The following DTHD1 variants were observed in gnomAD, a reference collection of about 807,000 sequenced individuals.
DTHD1 encodes the protein death domain-containing protein 1.
DTHD1 carries 59 observed loss-of-function variants against 74.8 expected under a neutral mutation model. The ratio of observed to expected loss-of-function variants is 0.79; its 90% CI spans 0.64 to 0.98. The LOEUF is 0.98. Among genes scored for constraint, DTHD1 ranks in the 50% least tolerant of loss-of-function variants. The pLI, the probability that DTHD1 is intolerant of heterozygous loss-of-function variation, is 0.00. For missense variants in DTHD1, 1,051 were observed against 1,065.4 expected (o/e 0.99, Z 0.19); for synonymous variants, 365 against 371.1 (o/e 0.98, Z 0.19).
rs778563489 is a variant in DTHD1 at position 36,284,289 on chromosome 4, A to G, written c.585A>G (p.Thr195=). The stretch of plus-strand genomic sequence containing the variant: ...CATTAGTGGAAAAAGAAAACAATAC[A>G]TCACTGAATGGACGTGTACTGGGGC... ...SSALVEKENN[T]SLNGRVLGQE... Residue 195 remains threonine (T), a synonymous_variant, in exon 2 of 10, where the codon ACA becomes ACG. Coordinates refer to ENST00000639862, the MANE Select transcript of DTHD1 (RefSeq NM_001170700.3). 1 of 1,537,214 alleles carries G rather than the reference A, an allele frequency of 6.5e-7. No individual in the cohort carries two copies. Among genetic ancestry groups the G allele is most frequent in the South Asian group, 1.2e-5 (1 of 84,058 alleles).
At chr4:36,289,793 T>C (rs1406272807) in intron 2 of DTHD1, among the ~76,000 whole-genome samples, 1 of 152,094 alleles carries the variant, frequency 6.6e-6, no homozygotes, top group Admixed American at 6.6e-5. Flanking sequence ...TGGATTGATT[T>C]TTTTGGGGAT....
intron 3 of DTHD1, among the ~76,000 whole-genome samples, chr4:36,291,971 G>A (rs958146771): frequency 6.6e-6 from 1 of 152,068 alleles, no homozygotes; most frequent in Non-Finnish European, 1.5e-5. Flanking sequence ...GATGAGACAG[G>A]CAGGGAATAA....
chr4:36,337,743 A>G (rs963525990), intron 8 of DTHD1, among the ~76,000 whole-genome samples: 2 of 152,230 alleles, frequency 1.3e-5, no homozygotes, highest in African/African-American at 2.4e-5. Context: ...ATGCCTATAA[A>G]ATATGATATT....
chr4:36,322,071 T>C (rs1406421487), intron 8 of DTHD1, among the ~76,000 whole-genome samples: 1 of 152,224 alleles, frequency 6.6e-6, no homozygotes, highest in Non-Finnish European at 1.5e-5. Flanking sequence ...CATTGCAATC[T>C]ACTCTTACCC....
chr4:36,343,561 G>A lies in DTHD1; in HGVS notation c.2458G>A (p.Glu820Lys), dbSNP rs1401533745. 2 of 1,551,570 alleles carry A rather than the reference G, an allele frequency of 1.3e-6. No homozygotes were observed. Among genetic ancestry groups the A allele is most frequent in the Admixed American group, 3.9e-5 (2 of 50,994 alleles). ...LAEELSEENA[E>K]SLSSTLPLRR... ...TGAGGAGCTCTCAGAAGAAAATGCT[G>A]AGTCTCTTTCCTCAACTCTCCCTCT... Residue 820 changes from glutamate (E) to lysine (K), a missense_variant, in exon 10 of 10, where the codon GAG (glutamate) becomes AAG (lysine). By Grantham distance (56) the Glu-to-Lys change is moderately conservative (BLOSUM62 1). Coordinates refer to ENST00000639862, the MANE Select transcript of DTHD1 (RefSeq NM_001170700.3).
At chr4:36,333,081 A>C (rs1422808930) in intron 8 of DTHD1, among the ~76,000 whole-genome samples, 1 of 152,178 alleles carries the variant, frequency 6.6e-6, no homozygotes, top group Admixed American at 6.5e-5. Context: ...GTTTTACCTA[A>C]AAATGCATGC....
chr4:36,343,770 G>A lies in DTHD1; in HGVS notation c.2667G>A (p.Trp889Ter). The A allele has an allele frequency of 6.4e-7, 1 of 1,551,344 alleles. No homozygotes were observed. Among genetic ancestry groups the A allele is most frequent in the Admixed American group, 2.0e-5 (1 of 50,992 alleles). Residue 889 changes from tryptophan (W) to a stop codon, truncating the protein, a stop_gained, in exon 10 of 10, where the codon TGG (tryptophan) becomes TGA (stop). Coordinates refer to ENST00000639862, the MANE Select transcript of DTHD1 (RefSeq NM_001170700.3). LOFTEE classifies it low-confidence loss of function (END_TRUNC). ...TTGCAGAAGAGCTCAAATTCAAGTG[G>A]GAAAATAAAGTGTTCACTGAACCAC... Reference protein sequence around the residue: ...SDLAEELKFKWENKVFTEPQQ... With the variant: ...SDLAEELKFK
At chr4:36,304,619 G>C (rs1368879843) in intron 5 of DTHD1, among the ~76,000 whole-genome samples, 1 of 152,154 alleles carries the variant, frequency 6.6e-6, no homozygotes, top group Non-Finnish European at 1.5e-5. Context: ...CCATGGCTTT[G>C]TCTCTTTGTG....
At position 36,344,073 on chromosome 4, in the gene DTHD1, T is replaced by G; in HGVS notation, c.*249T>G. 1 of 437,494 alleles carries G rather than the reference T, an allele frequency of 2.3e-6. No homozygotes were observed. Among genetic ancestry groups the G allele is most frequent in the East Asian group, 3.8e-5 (1 of 26,332 alleles). The allele number at this position is 437,494 out of a possible 1,614,324, so 27.1% of individuals were successfully genotyped here. A position where few individuals can be genotyped will look rare whatever the true frequency, so the allele number is the denominator to read the frequency against. On this transcript the variant is annotated 3_prime_UTR_variant, in exon 10 of 10. Transcript: ENST00000639862. ...ATGACTGTCTTGAGTTTGGCCTCACTTAATAGCATTTGCAATTGAGTTTGA... is the reference window on the plus strand; with the variant it reads ...ATGACTGTCTTGAGTTTGGCCTCACGTAATAGCATTTGCAATTGAGTTTGA...
chr4:36,329,801 T>G (rs1349756706), intron 8 of DTHD1, among the ~76,000 whole-genome samples: 4 of 152,234 alleles, frequency 2.6e-5, no homozygotes, highest in African/African-American at 7.2e-5. Context: ...TCACATCTCC[T>G]TAACAATTGC....
At chr4:36,311,065 G>C (rs984724693) in intron 7 of DTHD1, 3 of 152,214 alleles carry the variant, frequency 2.0e-5, no homozygotes, top group Non-Finnish European at 1.5e-5. Flanking sequence ...ACCCTAAATA[G>C]GAGTGCATTA....
intron 9 of DTHD1, among the ~76,000 whole-genome samples, chr4:36,341,387 A>G (rs1028163305): frequency 2.6e-5 from 4 of 152,178 alleles, no homozygotes; most frequent in African/African-American, 7.2e-5. Context: ...ATTTTGTAAG[A>G]AAGTAATTTT....
chr4:36,316,582 A>G (rs1757752802), intron 8 of DTHD1, 96 bp downstream of exon 8: 3 of 1,257,594 alleles, frequency 2.4e-6, no homozygotes, highest in Admixed American at 2.7e-5. Flanking sequence ...CATACAGTTA[A>G]AAGAAAAGGT....
At chr4:36,332,723 A>G (rs901953389) in intron 8 of DTHD1, 3 of 152,200 alleles carry the variant, frequency 2.0e-5, no homozygotes, top group East Asian at 1.9e-4. Context: ...TTAGCTCTCA[A>G]TCAGGAGACC....
intron 2 of DTHD1, among the ~76,000 whole-genome samples, chr4:36,285,058 A>G (rs1025967336): frequency 1.3e-5 from 2 of 152,198 alleles, no homozygotes; most frequent in African/African-American, 2.4e-5. Context: ...CCTCCCAAAG[A>G]TATTGTAATC....
intron 3 of DTHD1, among the ~76,000 whole-genome samples, chr4:36,292,691 A>G (rs983222090): frequency 6.6e-6 from 1 of 152,158 alleles, no homozygotes; most frequent in Non-Finnish European, 1.5e-5. Flanking sequence ...ATGGTAGACT[A>G]TTTTCCATTG....
rs73806806 is a variant in DTHD1 at position 36,330,967 on chromosome 4, C to T, written c.2341-8145C>T. Among the ~76,000 whole-genome samples the T allele has an allele frequency of 8.0e-3, 1,218 of 151,980 alleles. 11 individuals are homozygous for T. The highest frequency in any genetic ancestry group is 0.026 in the African/African-American group (1,087 of 41,494). On this transcript the variant is annotated intron_variant, in intron 8 of 9. Coordinates refer to ENST00000639862, the MANE Select transcript of DTHD1 (RefSeq NM_001170700.3). ...ATTCAGCATACCCTTTACTGTTATG[C>T]AATAAATGAGCTCACATTAAGCAAA... is the stretch of plus-strand genomic sequence containing the variant.
chr4:36,290,470 A>C lies in DTHD1; in HGVS notation c.985A>C (p.Asn329His). 1 of 1,551,878 alleles carries C rather than the reference A, an allele frequency of 6.4e-7. No individual in the cohort carries two copies. Among genetic ancestry groups the C allele is most frequent in the Non-Finnish European group, 8.7e-7 (1 of 1,146,990 alleles). ...ACAACAACTAGAATGCCGGATAATA[A>C]ATCACATGAGTTCTTTAATAGTGGG... ...VLQQLECRII[N>H]HMSSLIVGDN... Residue 329 changes from asparagine (N) to histidine (H), a missense_variant, in exon 3 of 10, where the codon AAT becomes CAT. Coordinates refer to ENST00000639862, the MANE Select transcript of DTHD1 (RefSeq NM_001170700.3).
intron 8 of DTHD1, among the ~76,000 whole-genome samples, chr4:36,328,141 G>A (rs1258210959): frequency 6.6e-6 from 1 of 152,222 alleles, no homozygotes; most frequent in Non-Finnish European, 1.5e-5. Context: ...GAACTACACT[G>A]CTTCCATGAT....
Sources: gnomAD v4.1 joint callset for allele counts (sites outside exome capture counted in the v4.1 genomes callset) on GRCh38, gnomAD v4.1.1 for gene constraint, MANE v1.5 for transcripts, NCBI Gene and HGNC (gene_info 2026-07-23, HGNC 2026-07-21) for gene names.